Variants in HDGFL3 observed in about 807,000 individuals in gnomAD.
The protein encoded by HDGFL3 is hepatoma-derived growth factor-related protein 3.
In HDGFL3, 6 loss-of-function variants were observed where a neutral mutation model predicts 27.6. The ratio of observed to expected loss-of-function variants is 0.22; its 90% CI spans 0.12 to 0.43. The LOEUF (loss-of-function observed/expected upper bound fraction) is 0.43. HDGFL3 is among the 20% of genes least tolerant of loss of function. The probability of loss-of-function intolerance (pLI) is 1.00; values close to 1 mark genes in which losing one functional copy is unlikely to be tolerated. For synonymous variants in HDGFL3, 88 were observed against 88.9 expected (o/e 0.99, Z 0.05); for missense variants, 207 against 250.1 (o/e 0.83, Z 1.16).
chr15:83,121,972 T>C, intron 3 of HDGFL3: 1 of 1,611,532 alleles, frequency 6.2e-7, no homozygotes, highest in Non-Finnish European at 8.5e-7. Flanking sequence ...TTATTATGAG[T>C]GTTGTTGTTT....
At chr15:83,186,197 A>G (rs886529409) in intron 1 of HDGFL3, 1 of 152,210 alleles carries the variant, frequency 6.6e-6, no homozygotes, top group African/African-American at 2.4e-5. Flanking sequence ...ATCGTGACTA[A>G]ATGTGTATTG....
At chr15:83,155,604 C>T (rs1244095549) in intron 4 of HDGFL3, among the ~76,000 whole-genome samples, 1 of 152,204 alleles carries the variant, frequency 6.6e-6, no homozygotes. Context: ...ACTTTATCCC[C>T]ATCCAAGGCA....
At chr15:83,124,882 A>C (rs1038358790), downstream of HDGFL3, 1 of 963,012 alleles carries the variant, frequency 1.0e-6, no homozygotes, top group African/African-American at 1.6e-5. Flanking sequence ...ACTTCTTAGC[A>C]AACTAACAAA....
chr15:83,118,527 AAGC>A (rs1235614103), intron 3 of HDGFL3, among the ~76,000 whole-genome samples: 6 of 152,166 alleles, frequency 3.9e-5, no homozygotes, highest in Admixed American at 1.3e-4. Context: ...ATGGGTGTAG[AAGC>A]AGAACCTTGA....
chr15:83,159,228 T>C (rs2151403059), intron 2 of HDGFL3, among the ~76,000 whole-genome samples: 1 of 152,282 alleles, frequency 6.6e-6, no homozygotes, highest in African/African-American at 2.4e-5. Flanking sequence ...TAGACTTTTA[T>C]CCAATTTAAA....
Position 83,207,315 on chromosome 15 carries a change from C to A in HDGFL3, c.84+16G>T. 1.5e-6 allele frequency: 2 copies of A among 1,344,410 alleles called. No individual in the cohort carries two copies. Among genetic ancestry groups the A allele is most frequent in the Admixed American group, 3.7e-5 (1 of 27,006 alleles). 83.3% of individuals were successfully genotyped at this position (1,344,410 alleles called of 1,614,324 possible). A position where few individuals can be genotyped will look rare whatever the true frequency, so the allele number is the denominator to read the frequency against. On this transcript the variant is annotated intron_variant, in intron 1 of 5. Coordinates refer to ENST00000299633, the MANE Select transcript of HDGFL3 (RefSeq NM_016073.4). This position sits in a 1 kb window ranked among gnomAD's most constrained non-coding sequence, Gnocchi z 4.8. ...AATGGTGGGCGGGCGGGCCCGCGCG[C>A]GGCCGCGGTACTCACCCGGGCCGGC... is the stretch of plus-strand genomic sequence containing the variant.
At chr15:83,165,274 A>C (rs2037155305) in intron 1 of HDGFL3, among the ~76,000 whole-genome samples, 1 of 152,040 alleles carries the variant, frequency 6.6e-6, no homozygotes, top group African/African-American at 2.4e-5. Context: ...CTTGGGTACA[A>C]CTCTGTCACT....
rs2037737845 is a variant in HDGFL3, at chr15:83,207,473, CCCCCGCGGGCCGACGAATTGCGCCGCGCT to C, written c.-88_-60del. On this transcript the variant is annotated 5_prime_UTR_variant, in exon 1 of 6. Coordinates refer to ENST00000299633, the MANE Select transcript of HDGFL3 (RefSeq NM_016073.4). This position sits in a 1 kb window ranked among gnomAD's most constrained non-coding sequence, Gnocchi z 4.8. ...GCCGCGAAGATGCCGGGAGGCCGCCCCCCCGCGGGCCGACGAATTGCGCCGCGCTCCCCGCGGGCCTCAAGCCGGGCGGA... is the reference window on the plus strand; with the variant it reads ...GCCGCGAAGATGCCGGGAGGCCGCCCCCCCGCGGGCCTCAAGCCGGGCGGA... 13 of 1,210,064 alleles carry C rather than the reference CCCCCGCGGGCCGACGAATTGCGCCGCGCT, an allele frequency of 1.1e-5. No individual in the cohort carries two copies. Among genetic ancestry groups the C allele is most frequent in the Admixed American group, 8.5e-5 (2 of 23,522 alleles). 75.0% of individuals were successfully genotyped at this position (1,210,064 alleles called of 1,614,324 possible). A position where few individuals can be genotyped will look rare whatever the true frequency, so the allele number is the denominator to read the frequency against.
chr15:83,156,939 C>T (rs2037037147), intron 4 of HDGFL3, among the ~76,000 whole-genome samples: 3 of 152,184 alleles, frequency 2.0e-5, no homozygotes, highest in Admixed American at 1.3e-4. Context: ...CCTTGTGATC[C>T]GCCTGCCTCA....
At position 83,135,626 on chromosome 15, in the gene HDGFL3, CTGTGCT is replaced by C. The variant is rs1034745828; in HGVS notation, c.*3638_*3643del. 2 of 152,096 alleles carry C rather than the reference CTGTGCT, an allele frequency of 1.3e-5. No homozygotes were observed. Among genetic ancestry groups the C allele is most frequent in the Admixed American group, 1.3e-4 (2 of 15,272 alleles). The allele number at this position is 152,096 out of a possible 1,614,324, so 9.4% of individuals were successfully genotyped here. A position where few individuals can be genotyped will look rare whatever the true frequency, so the allele number is the denominator to read the frequency against. ...TTACCCTTTCCAATACGGTTTTCCT[CTGTGCT>C]TGCGAAAAATATCAAAAAAGACCAA... On this transcript the variant is annotated 3_prime_UTR_variant, in exon 6 of 6. Coordinates refer to ENST00000299633, the MANE Select transcript of HDGFL3 (RefSeq NM_016073.4).
intron 5 of HDGFL3, among the ~76,000 whole-genome samples, chr15:83,142,011 C>A (rs541490685): frequency 2.2e-4 from 34 of 152,072 alleles, no homozygotes; most frequent in African/African-American, 6.3e-4. Flanking sequence ...ACTAAAAAGT[C>A]AAAAAATAAC....
exon 4 of HDGFL3, chr15:83,115,575 G>T: frequency 3.4e-6 from 2 of 587,688 alleles, no homozygotes; most frequent in Non-Finnish European, 6.4e-6. Flanking sequence ...AGAATCTTCT[G>T]TGACTGAGCC....
chr15:83,124,730 T>C (rs768628450), downstream of HDGFL3: 13 of 1,614,150 alleles, frequency 8.1e-6, no homozygotes, highest in South Asian at 1.2e-4. Flanking sequence ...TTAATGTTGG[T>C]TGTGTGTCTC....
chr15:83,156,457 T>C (rs72758306), intron 4 of HDGFL3, among the ~76,000 whole-genome samples: 6,910 of 152,316 alleles, frequency 0.045, 222 homozygotes, highest in Non-Finnish European at 0.07. Flanking sequence ...CCTAGTCTGG[T>C]GTCTGGAATA....
chr15:83,154,868 CT>C (rs1052822355), intron 4 of HDGFL3, among the ~76,000 whole-genome samples: 30 of 152,016 alleles, frequency 2.0e-4, no homozygotes, highest in Middle Eastern at 3.4e-3. Context: ...AAAAGCTATT[CT>C]TTTTTTTCCC....
intron 1 of HDGFL3, among the ~76,000 whole-genome samples, chr15:83,196,450 A>C (rs1219349445): frequency 6.6e-6 from 1 of 152,076 alleles, no homozygotes; most frequent in Non-Finnish European, 1.5e-5. Context: ...GCCAGTTATA[A>C]TTCCTAAAAT....
At chr15:83,163,871 T>C (rs920949740) in intron 2 of HDGFL3, 128 bp downstream of exon 2, 2 of 653,306 alleles carry the variant, frequency 3.1e-6, no homozygotes, top group Admixed American at 2.9e-5. Context: ...AATACATTAT[T>C]AACTTTGGCA....
intron 1 of HDGFL3, among the ~76,000 whole-genome samples, chr15:83,200,125 C>T (rs1370371911): frequency 1.3e-5 from 2 of 149,918 alleles, no homozygotes; most frequent in African/African-American, 2.5e-5. Flanking sequence ...AGGCAGATCA[C>T]GAGGTCAGGA....
intron 4 of HDGFL3, among the ~76,000 whole-genome samples, chr15:83,152,844 TTAA>T (rs1174063232): frequency 6.6e-6 from 1 of 152,150 alleles, no homozygotes; most frequent in African/African-American, 2.4e-5. Flanking sequence ...AAACAGGGAT[TTAA>T]TAATACAAAT....
Sources: allele counts gnomAD v4.1 joint callset (sites outside exome capture counted in the v4.1 genomes callset), GRCh38; gene constraint gnomAD v4.1.1; non-coding constraint Gnocchi (gnomAD v3.1); transcripts MANE v1.5; gene names NCBI Gene and HGNC (gene_info 2026-07-23, HGNC 2026-07-21).